The following CDH17 variants were observed in gnomAD, a reference collection of about 807,000 sequenced individuals.
CDH17 encodes the protein cadherin-17.
Under a neutral mutation model 86.3 loss-of-function variants are expected in CDH17, and 67 were observed. The observed-to-expected ratio is 0.78, with a 90% CI of 0.64 to 0.95. The LOEUF (loss-of-function observed/expected upper bound fraction) is 0.95, where lower values mean the gene tolerates loss of function less well. CDH17 is among the 40% of genes least tolerant of loss of function. The pLI, the probability that CDH17 is intolerant of heterozygous loss-of-function variation, is 0.00. For missense variants in CDH17, 993 were observed against 1,017.6 expected (o/e 0.98, Z 0.33); for synonymous variants, 367 against 366.4 (o/e 1.00, Z -0.02).
intron 17 of CDH17, among the ~76,000 whole-genome samples, chr8:94,129,240 C>A (rs1812363154): frequency 6.6e-6 from 1 of 151,970 alleles, no homozygotes; most frequent in Admixed American, 6.5e-5. Flanking sequence ...GGTGGGAGGG[C>A]AAATAGAATA....
rs1812319976 is a variant in CDH17, at chr8:94,127,263, C to T, written c.*977G>A. On this transcript the variant is annotated 3_prime_UTR_variant, in exon 18 of 18. Transcript: ENST00000027335. ...CATGTTAAATATATAATAACCAAAA[C>T]TTTACTAACATACGAATGAAGAAAA... 6.6e-6 allele frequency: 1 copy of T among 152,208 alleles called. No individual in the cohort carries two copies. Among genetic ancestry groups the T allele is most frequent in the South Asian group, 2.1e-4 (1 of 4,828 alleles). The allele number at this position is 152,208 out of a possible 1,614,324, so 9.4% of individuals were successfully genotyped here. A position where few individuals can be genotyped will look rare whatever the true frequency, so the allele number is the denominator to read the frequency against.
At chr8:94,157,982 C>A (rs897045053) in intron 12 of CDH17, among the ~76,000 whole-genome samples, 4 of 152,142 alleles carry the variant, frequency 2.6e-5, no homozygotes, top group African/African-American at 9.7e-5. Context: ...GCAGATTGTA[C>A]CCTGCAGAGT....
intron 9 of CDH17, among the ~76,000 whole-genome samples, chr8:94,170,156 A>G (rs757198427): frequency 1.3e-5 from 2 of 152,184 alleles, no homozygotes; most frequent in Non-Finnish European, 2.9e-5. Context: ...TAAGGTTGAT[A>G]ATGATAGTGA....
At chr8:94,136,024 C>CTGTT (rs1400104115) in intron 15 of CDH17, among the ~76,000 whole-genome samples, 1 of 152,220 alleles carries the variant, frequency 6.6e-6, no homozygotes, top group African/African-American at 2.4e-5. Context: ...GAGAGATCCA[C>CTGTT]TGTTAGTCTG....
At chr8:94,208,430 G>A (rs1814070728) in intron 1 of CDH17, 53 bp downstream of exon 1, 1 of 152,064 alleles carries the variant, frequency 6.6e-6, no homozygotes, top group Non-Finnish European at 1.5e-5. Context: ...CATCTACTTT[G>A]TCCTTCTGGA....
intron 12 of CDH17, among the ~76,000 whole-genome samples, chr8:94,152,511 C>T (rs1403833828): frequency 6.6e-6 from 1 of 152,198 alleles, no homozygotes; most frequent in Non-Finnish European, 1.5e-5. Flanking sequence ...GATTCTCCTG[C>T]CTCAGTCTCC....
chr8:94,130,711 A>C lies in CDH17; in HGVS notation c.2313T>G (p.Ser771Arg). 4 of 1,613,990 alleles carry C rather than the reference A, an allele frequency of 2.5e-6. No individual in the cohort carries two copies. Among genetic ancestry groups the C allele is most frequent in the Non-Finnish European group, 3.4e-6 (4 of 1,179,912 alleles). ...PVTFCSCVEGSCFRPAGHQTG... is the reference protein window; with the variant it reads ...PVTFCSCVEGRCFRPAGHQTG... Reference sequence around the variant, plus strand: ...TCTGGTGACCTGCTGGCCGGAAACAACTTCCTTCCACACAACTGCAGAATG... The same window carrying C: ...TCTGGTGACCTGCTGGCCGGAAACACCTTCCTTCCACACAACTGCAGAATG... The change falls in exon 17 of 18, where the codon AGT (serine) becomes AGG (arginine). Residue 771 changes from serine (S) to arginine (R), a missense_variant. By Grantham distance (110) the Ser-to-Arg change is moderately radical (BLOSUM62 -1). Coordinates refer to ENST00000027335, the MANE Select transcript of CDH17 (RefSeq NM_004063.4).
At chr8:94,149,749 A>G (rs1812822505) in intron 13 of CDH17, among the ~76,000 whole-genome samples, 1 of 152,228 alleles carries the variant, frequency 6.6e-6, no homozygotes, top group Non-Finnish European at 1.5e-5. Flanking sequence ...CAGCCAGCCA[A>G]TGATTTAAGC....
intron 12 of CDH17, among the ~76,000 whole-genome samples, chr8:94,158,025 C>G (rs925162753): frequency 6.6e-6 from 1 of 152,176 alleles, no homozygotes; most frequent in South Asian, 2.1e-4. Context: ...CCAGTTATCA[C>G]CTGCCTCTGG....
At chr8:94,150,958 G>T (rs917844520) in intron 13 of CDH17, among the ~76,000 whole-genome samples, 2 of 152,184 alleles carry the variant, frequency 1.3e-5, no homozygotes, top group Admixed American at 6.5e-5. Flanking sequence ...TGGTAACTTT[G>T]CTTCTCAATG....
At chr8:94,178,979 G>A (rs140026533) in intron 3 of CDH17, among the ~76,000 whole-genome samples, 14 of 149,106 alleles carry the variant, frequency 9.4e-5, no homozygotes, top group African/African-American at 3.5e-4. Context: ...GGCAAAAATT[G>A]TAAATATCAT....
At chr8:94,155,499 C>G (rs1812929807) in intron 12 of CDH17, among the ~76,000 whole-genome samples, 2 of 152,120 alleles carry the variant, frequency 1.3e-5, no homozygotes, top group Admixed American at 1.3e-4. Context: ...GCACATGCAT[C>G]CATCCTCACC....
chr8:94,127,481 GTTAATAC>G lies in CDH17; in HGVS notation c.*752_*758del, dbSNP rs1469919163. The G allele has an allele frequency of 6.6e-6, 1 of 152,186 alleles. No individual in the cohort carries two copies. Among genetic ancestry groups the G allele is most frequent in the Non-Finnish European group, 1.5e-5 (1 of 68,030 alleles). 9.4% of individuals were successfully genotyped at this position (152,186 alleles called of 1,614,324 possible). A position where few individuals can be genotyped will look rare whatever the true frequency, so the allele number is the denominator to read the frequency against. On this transcript the variant is annotated 3_prime_UTR_variant, in exon 18 of 18. Coordinates refer to ENST00000027335, the MANE Select transcript of CDH17 (RefSeq NM_004063.4). ...TGGTTAATGACACAGAAACATTTCT[GTTAATAC>G]TAAGGGAAAAGGCTGTTCTTTTATT...
intron 1 of CDH17, among the ~76,000 whole-genome samples, chr8:94,195,801 C>T (rs1016766211): frequency 1.3e-5 from 2 of 151,792 alleles, no homozygotes; most frequent in Non-Finnish European, 1.5e-5. Flanking sequence ...TGCTCTGTCG[C>T]CCAGGCTGGA....
At chr8:94,131,637 C>A (rs537821892) in intron 15 of CDH17, among the ~76,000 whole-genome samples, 1 of 120,576 alleles carries the variant, frequency 8.3e-6, no homozygotes, top group Non-Finnish European at 1.7e-5. Flanking sequence ...TAGTTCAAAG[C>A]CATTTTTTTT....
chr8:94,161,412 A>T (rs920122067), intron 11 of CDH17, among the ~76,000 whole-genome samples: 5 of 152,224 alleles, frequency 3.3e-5, no homozygotes, highest in Admixed American at 6.5e-5. Flanking sequence ...CAAAAATAAC[A>T]TAACAGTCTA....
At chr8:94,203,389 A>G (rs1374669967) in intron 1 of CDH17, among the ~76,000 whole-genome samples, 2 of 152,176 alleles carry the variant, frequency 1.3e-5, no homozygotes, top group African/African-American at 2.4e-5. Flanking sequence ...GCAGGAAGGG[A>G]TGTGACTGGA....
chr8:94,129,031 G>A (rs950878394), intron 17 of CDH17, among the ~76,000 whole-genome samples: 6 of 152,144 alleles, frequency 3.9e-5, no homozygotes, highest in African/African-American at 1.2e-4. Context: ...AGGAATCATG[G>A]CAGAAAAGTC....
intron 7 of CDH17, among the ~76,000 whole-genome samples, chr8:94,171,612 T>A (rs1813270239): frequency 6.6e-6 from 1 of 152,182 alleles, no homozygotes. Context: ...CCTGGTCTGA[T>A]ATATTAATAA....
Sources: gnomAD v4.1 joint callset for allele counts (sites outside exome capture counted in the v4.1 genomes callset) on GRCh38, gnomAD v4.1.1 for gene constraint, MANE v1.5 for transcripts, NCBI Gene and HGNC (gene_info 2026-07-23, HGNC 2026-07-21) for gene names.